Variants in CPNE8 observed in about 807,000 individuals in gnomAD.
CPNE8 encodes copine-8.
Under a neutral mutation model 81.5 loss-of-function variants are expected in CPNE8, and 45 were observed. The ratio of observed to expected loss-of-function variants is 0.55; its 90% confidence interval spans 0.44 to 0.71. The LOEUF (loss-of-function observed/expected upper bound fraction) is 0.71, where lower values mean the gene tolerates loss of function less well. CPNE8 is among the 30% of genes least tolerant of loss of function. The pLI, the probability that CPNE8 is intolerant of heterozygous loss-of-function variation, is 0.00. For missense variants in CPNE8, 594 were observed against 672.1 expected, an observed-to-expected ratio of 0.88 and a Z score of 1.28; for synonymous variants, 252 against 226.3, an observed-to-expected ratio of 1.11 and a Z score of -1.02.
chr12:38,696,686 T>A (rs755605440), intron 14 of CPNE8, among the ~76,000 whole-genome samples: 10 of 152,194 alleles, frequency 6.6e-5, no homozygotes, highest in Admixed American at 3.9e-4. Context: ...AAACTCACAG[T>A]TCAATAGAAT....
intron 10 of CPNE8, among the ~76,000 whole-genome samples, chr12:38,742,583 A>T (rs1203359558): frequency 6.6e-6 from 1 of 151,788 alleles, no homozygotes; most frequent in African/African-American, 2.4e-5. Flanking sequence ...AATGTAAATG[A>T]CGAGTTAATT....
chr12:38,745,228 T>C (rs551301199), intron 10 of CPNE8, among the ~76,000 whole-genome samples: 1 of 152,302 alleles, frequency 6.6e-6, no homozygotes, highest in African/African-American at 2.4e-5. Context: ...ACAATATCCA[T>C]CCTTTTTTGA....
intron 5 of CPNE8, among the ~76,000 whole-genome samples, chr12:38,833,541 C>T (rs1255482467): frequency 2.8e-5 from 4 of 140,438 alleles, no homozygotes; most frequent in South Asian, 2.2e-4. Flanking sequence ...TGCAGTGGAG[C>T]GATCTCGGTT....
At chr12:38,733,270 A>G (rs1271541023) in intron 10 of CPNE8, among the ~76,000 whole-genome samples, 1 of 151,932 alleles carries the variant, frequency 6.6e-6, no homozygotes, top group African/African-American at 2.4e-5. Flanking sequence ...TTCAAATACT[A>G]TACATTAAAT....
chr12:38,713,761 A>G (rs959622747), intron 13 of CPNE8, among the ~76,000 whole-genome samples: 5 of 152,174 alleles, frequency 3.3e-5, no homozygotes, highest in African/African-American at 1.2e-4. Flanking sequence ...CAAATAAACA[A>G]TTAAAATGAC....
chr12:38,851,835 C>T (rs1272576239), intron 3 of CPNE8, among the ~76,000 whole-genome samples: 2 of 152,108 alleles, frequency 1.3e-5, no homozygotes, highest in Non-Finnish European at 2.9e-5. Flanking sequence ...CCTCTCTAAC[C>T]TCATTTTAGG....
chr12:38,795,520 A>C (rs758183232), intron 6 of CPNE8, among the ~76,000 whole-genome samples: 1 of 152,226 alleles, frequency 6.6e-6, no homozygotes, highest in African/African-American at 2.4e-5. Flanking sequence ...TGGTATATAC[A>C]TAGGATGGAA....
chr12:38,895,790 G>A (rs1944380805), intron 1 of CPNE8, among the ~76,000 whole-genome samples: 1 of 151,946 alleles, frequency 6.6e-6, no homozygotes, highest in South Asian at 2.1e-4. Context: ...TGACAGAAAA[G>A]AGCTCCACTC....
chr12:38,676,629 G>C (rs1939295436), intron 17 of CPNE8, among the ~76,000 whole-genome samples: 1 of 152,128 alleles, frequency 6.6e-6, no homozygotes. Flanking sequence ...GATTTTGAGG[G>C]AGACTAAATA....
intron 7 of CPNE8, 112 bp from the exon 8 acceptor site, chr12:38,767,850 G>T (rs1426740066): frequency 3.3e-6 from 2 of 599,842 alleles, no homozygotes; most frequent in Non-Finnish European, 5.4e-6. Flanking sequence ...AATGCAAATG[G>T]CCAAGTTTGG....
At chr12:38,837,866 G>A (rs1053119433) in intron 5 of CPNE8, among the ~76,000 whole-genome samples, 3 of 152,140 alleles carry the variant, frequency 2.0e-5, no homozygotes, top group South Asian at 4.2e-4. Flanking sequence ...AATTTCTTAC[G>A]ATGAGAAGAT....
chr12:38,874,831 A>C (rs918109296), intron 1 of CPNE8, among the ~76,000 whole-genome samples: 3 of 152,144 alleles, frequency 2.0e-5, no homozygotes, highest in African/African-American at 7.2e-5. Flanking sequence ...GTTTCCATTT[A>C]ATCCTTCATT....
At chr12:38,704,297 C>A (rs35669471) in intron 13 of CPNE8, among the ~76,000 whole-genome samples, 11,752 of 152,184 alleles carry the variant, frequency 0.077, 641 homozygotes, top group Non-Finnish European at 0.12. Context: ...CTTTTGCTTT[C>A]TTCAGAAATG....
At chr12:38,768,655 G>A (rs1016114821) in intron 7 of CPNE8, among the ~76,000 whole-genome samples, 1 of 151,746 alleles carries the variant, frequency 6.6e-6, no homozygotes, top group Non-Finnish European at 1.5e-5. Flanking sequence ...GAGTAGCTGG[G>A]ACTACAGGCA....
intron 9 of CPNE8, among the ~76,000 whole-genome samples, chr12:38,761,153 A>G (rs1941563761): frequency 6.6e-6 from 1 of 152,212 alleles, no homozygotes; most frequent in Non-Finnish European, 1.5e-5. Flanking sequence ...GAGCTCCTCA[A>G]AGGGATGGTA....
At chr12:38,668,215 G>A (rs1023492313) in intron 19 of CPNE8, among the ~76,000 whole-genome samples, 27 of 152,158 alleles carry the variant, frequency 1.8e-4, no homozygotes, top group African/African-American at 5.6e-4. Flanking sequence ...ACAACATCAT[G>A]GGAGGGGCAA....
At chr12:38,730,185 G>C (rs1241865209) in intron 11 of CPNE8, 98 bp downstream of exon 11, 11 of 764,046 alleles carry the variant, frequency 1.4e-5, no homozygotes, top group Non-Finnish European at 2.5e-5. Context: ...CTGATACTTA[G>C]TTAACCTTTG....
chr12:38,689,146 T>C (rs1043648780), intron 15 of CPNE8, among the ~76,000 whole-genome samples: 1 of 152,212 alleles, frequency 6.6e-6, no homozygotes, highest in Non-Finnish European at 1.5e-5. Context: ...GGGCAATGGA[T>C]GCCTTATTTC....
intron 7 of CPNE8, among the ~76,000 whole-genome samples, chr12:38,768,369 G>GT (rs1941732685): frequency 1.3e-5 from 2 of 151,992 alleles, no homozygotes; most frequent in African/African-American, 4.8e-5. Flanking sequence ...ACCAATTTAT[G>GT]TACTCAAACA....
Sources: allele counts gnomAD v4.1 joint callset (sites outside exome capture counted in the v4.1 genomes callset), GRCh38; gene constraint gnomAD v4.1.1; transcripts MANE v1.5; gene names NCBI Gene and HGNC (gene_info 2026-07-23, HGNC 2026-07-21).